CCT2: variants seen among roughly 807,000 people sequenced by gnomAD.
CCT2 encodes the protein chaperonin containing TCP1 subunit 2.
CCT2 carries 18 observed loss-of-function variants against 61.8 expected under a neutral mutation model. That is an observed-to-expected ratio of 0.29 (90% CI 0.20 to 0.43). CCT2 has a LOEUF of 0.43. Among genes scored for constraint, CCT2 ranks in the 20% least tolerant of loss-of-function variants. The pLI is 1.00. For synonymous variants in CCT2, 248 were observed against 215.9 expected (o/e 1.15, Z -1.30); for missense variants, 556 against 656.9 (o/e 0.85, Z 1.68).
rs762277057 is a variant in CCT2 at position 69,599,899 on chromosome 12, T to C, written c.1472T>C (p.Leu491Pro). Residue 491 changes from leucine to proline, a missense_variant, in exon 15 of 16, where the codon CTG (leucine) becomes CCG (proline). Transcript: ENST00000299300. ...GGCACCATTGGAGATATGGCTATCC[T>C]GGGTATAACAGAAAGTTTTCAAGTG... ...REGTIGDMAILGITESFQVKR... is the reference protein window; with the variant it reads ...REGTIGDMAIPGITESFQVKR... 48 of 1,613,720 alleles carry C rather than the reference T, an allele frequency of 3.0e-5. No homozygotes were observed. The highest frequency in any genetic ancestry group is 4.2e-6 in the Non-Finnish European group (5 of 1,179,806).
At chr12:69,597,335 T>TA in intron 11 of CCT2, 60 bp downstream of exon 11, 3 of 1,585,966 alleles carry the variant, frequency 1.9e-6, no homozygotes, top group Non-Finnish European at 2.6e-6. Flanking sequence ...TCTGTTGAAG[T>TA]AAAGGTTATT....
rs771949290 is a variant in CCT2, at chr12:69,593,024, A to G, written c.799A>G (p.Ile267Val). Reference sequence around the variant, plus strand: ...TGACTCTACAGCAAAGGTTGCAGAAATAGAACATGCGGAAAAGGAAAAAAT... The same window carrying G: ...TGACTCTACAGCAAAGGTTGCAGAAGTAGAACATGCGGAAAAGGAAAAAAT... ...RVDSTAKVAE[I>V]EHAEKEKMKE... Residue 267 changes from isoleucine (I) to valine (V), a missense_variant, in exon 9 of 16, where the codon ATA (isoleucine) becomes GTA (valine). Coordinates refer to ENST00000299300, the MANE Select transcript of CCT2 (RefSeq NM_006431.3). 8 of 1,613,842 alleles carry G rather than the reference A, an allele frequency of 5.0e-6. No homozygotes were observed. In the East Asian group the frequency reaches 1.1e-4, roughly 22 times the overall value.
At chr12:69,590,489 T>A (rs1881802493) in intron 7 of CCT2, among the ~76,000 whole-genome samples, 1 of 152,162 alleles carries the variant, frequency 6.6e-6, no homozygotes, top group Admixed American at 6.5e-5. Context: ...GTTTTCCAGA[T>A]CATCTTCACA....
intron 15 of CCT2, among the ~76,000 whole-genome samples, chr12:69,600,340 C>G (rs535299076): frequency 6.6e-6 from 1 of 152,314 alleles, no homozygotes; most frequent in South Asian, 2.1e-4. Flanking sequence ...CTAAAGTGTT[C>G]TAGGGCAAGG....
chr12:69,598,404 A>C lies in CCT2; in HGVS notation c.1418A>C (p.Asn473Thr). ...CTCAGGGCTGCTCACAGTGAAGGCA[A>C]TACCACTGCTGGATTGGGTAAGCAA... Reference protein sequence around the residue: ...AQLRAAHSEGNTTAGLDMREG... With the variant: ...AQLRAAHSEGTTTAGLDMREG... Residue 473 changes from asparagine to threonine, a missense_variant, in exon 14 of 16, where the codon AAT (asparagine) becomes ACT (threonine). Coordinates refer to ENST00000299300, the MANE Select transcript of CCT2 (RefSeq NM_006431.3). The C allele has an allele frequency of 6.3e-7, 1 of 1,595,824 alleles. No individual in the cohort carries two copies. The highest frequency in any genetic ancestry group is 8.5e-7 in the Non-Finnish European group (1 of 1,171,020).
chr12:69,589,136 C>T (rs767352240), intron 6 of CCT2: 9 of 232,904 alleles, frequency 3.9e-5, no homozygotes, highest in Non-Finnish European at 5.9e-5. Flanking sequence ...CCATGTTGCT[C>T]AGGCTGGTCT....
chr12:69,585,469 TCCCGAGCACG>T lies in CCT2; in HGVS notation c.-52_-43del. ...CTTCCGGCTTCCTTCAGTCCGCTGG[TCCCGAGCACG>T]AGCTGTGAGGGGATTCACTTGTGTG... is the stretch of plus-strand genomic sequence containing the variant. On this transcript the variant is annotated 5_prime_UTR_variant, in exon 1 of 16. Transcript: ENST00000299300. 6.4e-7 allele frequency: 1 copy of T among 1,553,332 alleles called. No individual in the cohort carries two copies.
Position 69,585,461 on chromosome 12 carries a change from T to A in CCT2, c.-61T>A. ...TGGCGTCACTTCCGGCTTCCTTCAG[T>A]CCGCTGGTCCCGAGCACGAGCTGTG... On this transcript the variant is annotated 5_prime_UTR_variant, in exon 1 of 16. Transcript: ENST00000299300. 6.5e-7 allele frequency: 1 copy of A among 1,549,876 alleles called. No homozygotes were observed. The highest frequency in any genetic ancestry group is 8.7e-7 in the Non-Finnish European group (1 of 1,144,664).
At chr12:69,587,000 C>G (rs147301519) in intron 3 of CCT2, 182 bp downstream of exon 3, 2 of 481,956 alleles carry the variant, frequency 4.1e-6, no homozygotes, top group African/African-American at 4.0e-5. Flanking sequence ...ATGCCCCTCC[C>G]CAATGACAAG....
In CCT2 at chr12:69,586,415, C is replaced by T. The variant is rs895626969; in HGVS notation, c.78+71C>T. Reference sequence around the variant, plus strand: ...AGGCGCGGTGGCTTACTCCTGTAATCCCAGTACTTTGGGAGGCCGAGGTAG... The same window carrying T: ...AGGCGCGGTGGCTTACTCCTGTAATTCCAGTACTTTGGGAGGCCGAGGTAG... On this transcript the variant is annotated intron_variant, in intron 2 of 15. Coordinates refer to ENST00000299300, the MANE Select transcript of CCT2 (RefSeq NM_006431.3). The T allele has an allele frequency of 1.8e-5, 20 of 1,117,376 alleles. No homozygotes were observed. The South Asian group carries it at 1.9e-4, about 10-fold the overall frequency. The allele number at this position is 1,117,376 out of a possible 1,614,324, so 69.2% of individuals were successfully genotyped here.
At chr12:69,585,798 A>G in intron 1 of CCT2, 5 of 1,369,610 alleles carry the variant, frequency 3.7e-6, no homozygotes, top group Non-Finnish European at 4.7e-6. Context: ...ACCCGGAGCG[A>G]AGAAATTTCT....
At chr12:69,594,816 A>T (rs1435951212) in intron 10 of CCT2, among the ~76,000 whole-genome samples, 1 of 151,374 alleles carries the variant, frequency 6.6e-6, no homozygotes, top group African/African-American at 2.4e-5. Flanking sequence ...ACTGCAGTCC[A>T]TCCTAAGTGA....
At chr12:69,590,511 TCA>T (rs958264708) in intron 7 of CCT2, among the ~76,000 whole-genome samples, 2 of 152,052 alleles carry the variant, frequency 1.3e-5, no homozygotes, top group Admixed American at 6.6e-5. Flanking sequence ...TATATTTACT[TCA>T]CAAAATGGCC....
intron 4 of CCT2, 85 bp downstream of exon 4, chr12:69,587,701 C>T (rs1270169401): frequency 3.8e-5 from 33 of 865,906 alleles, no homozygotes; most frequent in Non-Finnish European, 4.0e-5. Flanking sequence ...GCTGTGTTGA[C>T]CAATCGTACT....
chr12:69,598,147 CTGG>C (rs1366947815), intron 13 of CCT2, 76 bp downstream of exon 13: 1 of 1,095,564 alleles, frequency 9.1e-7, no homozygotes, highest in Non-Finnish European at 1.3e-6. Flanking sequence ...AGAAAATGAA[CTGG>C]TTAATACTGC....
At chr12:69,595,533 A>G (rs710771) in intron 10 of CCT2, among the ~76,000 whole-genome samples, 2 of 151,720 alleles carry the variant, frequency 1.3e-5, no homozygotes, top group Admixed American at 1.3e-4. Flanking sequence ...ACTAAAAATA[A>G]AAAAATTAGC....
chr12:69,586,940 T>C, intron 3 of CCT2, 122 bp downstream of exon 3: 1 of 599,240 alleles, frequency 1.7e-6, no homozygotes. Flanking sequence ...AAGACAAGTA[T>C]GTTCTCCTTA....
In CCT2 at chr12:69,599,390, AT is replaced by A. The variant is rs767710841; in HGVS notation, c.1436-470del. Among the ~76,000 whole-genome samples the A allele has an allele frequency of 1.3e-3, 188 of 146,204 alleles. 1 individual carries two copies. Among genetic ancestry groups the A allele is most frequent in the Non-Finnish European group, 2.5e-3 (168 of 66,176 alleles). ...CACTGATCCTGGCCCCTTTTATTTTATTTATTTATTTTTTGAGATAGAGTTT... is the reference window on the plus strand; with the variant it reads ...CACTGATCCTGGCCCCTTTTATTTTATTATTTATTTTTTGAGATAGAGTTT... On this transcript the variant is annotated intron_variant, in intron 14 of 15. Transcript: ENST00000299300.
chr12:69,586,727 G>A (rs775993734), intron 2 of CCT2, 26 bp from the exon 3 acceptor site: 27 of 1,517,884 alleles, frequency 1.8e-5, no homozygotes, highest in Non-Finnish European at 2.3e-5. Flanking sequence ...AGTTGATTCT[G>A]ATAATCTCCT....
Sources: allele counts gnomAD v4.1 joint callset (sites outside exome capture counted in the v4.1 genomes callset), GRCh38; gene constraint gnomAD v4.1.1; transcripts MANE v1.5; gene names NCBI Gene and HGNC (gene_info 2026-07-23, HGNC 2026-07-21).